The following GOLGA3 variants were observed in gnomAD, a reference collection of about 807,000 sequenced individuals.
GOLGA3 encodes golgin subfamily A member 3.
Under a neutral mutation model 169.4 loss-of-function variants are expected in GOLGA3, and 75 were observed. The ratio of observed to expected loss-of-function variants is 0.44; its 90% CI spans 0.37 to 0.54. The LOEUF (loss-of-function observed/expected upper bound fraction) is 0.54, where lower values mean the gene tolerates loss of function less well. Ranked by LOEUF, GOLGA3 falls within the 20% of genes least tolerant of loss-of-function variation. The pLI, the probability that GOLGA3 is intolerant of heterozygous loss-of-function variation, is 0.00. For missense variants in GOLGA3, 1,899 were observed against 1,930.0 expected, an observed-to-expected ratio of 0.98 and a Z score of 0.30; for synonymous variants, 824 against 822.4, an observed-to-expected ratio of 1.00 and a Z score of -0.03.
intron 3 of GOLGA3, 54 bp downstream of exon 3, chr12:132,816,486 G>C (rs575408118): frequency 6.4e-7 from 1 of 1,573,004 alleles, no homozygotes; most frequent in South Asian, 1.2e-5. Context: ...TGCTCCCAAG[G>C]GGCTGAGCGA....
rs1566123744 is a variant in GOLGA3 at position 132,808,180 on chromosome 12, G to A, written c.889C>T (p.Leu297=). Residue 297 remains leucine (L), a synonymous_variant, in exon 5 of 24, where the codon CTG becomes TTG. Transcript: ENST00000450791. Reference sequence around the variant, plus strand: ...TCTCCAGCCAGGGAGGTGTTCTCCAGACGGTCGTCAGTGTCGGGGGACAGG... The same window carrying A: ...TCTCCAGCCAGGGAGGTGTTCTCCAAACGGTCGTCAGTGTCGGGGGACAGG... ...ISLSPDTDDR[L]ENTSLAGDSV... The A allele has an allele frequency of 1.2e-6, 2 of 1,613,320 alleles. No individual in the cohort carries two copies. Among genetic ancestry groups the A allele is most frequent in the East Asian group, 2.2e-5 (1 of 44,824 alleles).
intron 1 of GOLGA3, among the ~76,000 whole-genome samples, chr12:132,826,476 A>G (rs1460908093): frequency 6.6e-6 from 1 of 152,002 alleles, no homozygotes; most frequent in Non-Finnish European, 1.5e-5. Context: ...CTCAGGTTCC[A>G]CCGAGAGGGC....
At chr12:132,810,324 C>T (rs1380917907) in intron 4 of GOLGA3, among the ~76,000 whole-genome samples, 3 of 152,010 alleles carry the variant, frequency 2.0e-5, no homozygotes, top group South Asian at 2.1e-4. Flanking sequence ...TAATTTCCTC[C>T]GCCTGCCCAC....
rs1198733718 is a variant in GOLGA3, at chr12:132,808,064, T to C, written c.1005A>G (p.Thr335=). The change falls in exon 5 of 24, where the codon ACA becomes ACG. Residue 335 remains threonine (T), a synonymous_variant. Transcript: ENST00000450791. ...TATAGGGGGTGTCCTGCGTGCCCAC[T>C]GTCTTCGACAGAATGCCATAGGTCC... ...TRGTYGILSK[T]VGTQDTPYMV... is the part of the protein sequence containing the mutation. 3.1e-6 allele frequency: 5 copies of C among 1,597,326 alleles called. No individual in the cohort carries two copies. Among genetic ancestry groups the C allele is most frequent in the Non-Finnish European group, 4.3e-6 (5 of 1,170,150 alleles).
chr12:132,819,087 G>A (rs1008714785), intron 2 of GOLGA3, among the ~76,000 whole-genome samples: 5 of 152,096 alleles, frequency 3.3e-5, no homozygotes, highest in African/African-American at 1.2e-4. Flanking sequence ...GACATGTGAG[G>A]GGGGAGGGAG....
chr12:132,774,128 C>A, intron 23 of GOLGA3, 29 bp downstream of exon 23: 1 of 1,539,816 alleles, frequency 6.5e-7, no homozygotes, highest in South Asian at 1.2e-5. Context: ...TTAAGACTAG[C>A]TGAAGTGCAG....
At chr12:132,794,650 G>A (rs1372961505) in intron 11 of GOLGA3, among the ~76,000 whole-genome samples, 2 of 152,184 alleles carry the variant, frequency 1.3e-5, no homozygotes, top group African/African-American at 2.4e-5. Flanking sequence ...AGTCTCTCTC[G>A]CAGTCTTCCA....
In GOLGA3 at chr12:132,807,248, T is replaced by A. The variant is rs998283066; in HGVS notation, c.1219A>T (p.Met407Leu). 1.3e-5 allele frequency: 21 copies of A among 1,596,584 alleles called. No homozygotes were observed. The highest frequency in any genetic ancestry group is 1.7e-5 in the Non-Finnish European group (20 of 1,170,326). Residue 407 changes from methionine (M) to leucine (L), a missense_variant, in exon 6 of 24, where the codon ATG becomes TTG. Transcript: ENST00000450791. ...ATTTTCTCTTTGAGCACCTGCAGCA[T>A]CTCCTCCTGTGTTTCTGCTGCAGAG... ...ESSAAETQEE[M>L]LQVLKEKMRL...
At chr12:132,821,807 TCA>T (rs1461282846) in intron 2 of GOLGA3, among the ~76,000 whole-genome samples, 187 bp downstream of exon 2, 7 of 127,656 alleles carry the variant, frequency 5.5e-5, no homozygotes, top group African/African-American at 1.7e-4. Flanking sequence ...CGAGCCGAGA[TCA>T]CGCCACTGCA....
chr12:132,773,731 T>C (rs1213819570), intron 23 of GOLGA3, among the ~76,000 whole-genome samples: 1 of 151,632 alleles, frequency 6.6e-6, no homozygotes, highest in Non-Finnish European at 1.5e-5. Context: ...CCCACCTTTA[T>C]ATAAACCTCA....
chr12:132,807,064 A>G (rs1483866378), intron 6 of GOLGA3, 113 bp downstream of exon 6: 9 of 616,730 alleles, frequency 1.5e-5, no homozygotes, highest in South Asian at 1.1e-4. Flanking sequence ...GCTGCCACAC[A>G]TGCTGCGGCG....
At chr12:132,785,224 C>G (rs1384964035) in intron 15 of GOLGA3, among the ~76,000 whole-genome samples, 1 of 152,226 alleles carries the variant, frequency 6.6e-6, no homozygotes, top group African/African-American at 2.4e-5. Context: ...CTCCCCACCC[C>G]AGCCCTTAGT....
At chr12:132,798,623 T>C (rs1593307206) in intron 8 of GOLGA3, 146 bp from the exon 9 acceptor site, 14 of 255,364 alleles carry the variant, frequency 5.5e-5, no homozygotes, top group Admixed American at 2.1e-4. Context: ...CTACACGTCT[T>C]CCCATCTCAA....
intron 15 of GOLGA3, among the ~76,000 whole-genome samples, chr12:132,785,515 G>T (rs1222224456): frequency 3.3e-5 from 5 of 152,044 alleles, no homozygotes; most frequent in Non-Finnish European, 4.4e-5. Context: ...GTCTAATTAT[G>T]TTGCCCAGGC....
Position 132,798,495 on chromosome 12 carries a change from C to G in GOLGA3, c.1801-18G>C, listed in dbSNP as rs757051848. On this transcript the variant is annotated intron_variant, in intron 8 of 23. Transcript: ENST00000450791. Reference sequence around the variant, plus strand: ...TGTCCAACCTTAAAAAAAAAACCCACAAAGTAAAAAGTTGCTCAATTTCAA... The same window carrying G: ...TGTCCAACCTTAAAAAAAAAACCCAGAAAGTAAAAAGTTGCTCAATTTCAA... 10 of 1,586,122 alleles carry G rather than the reference C, an allele frequency of 6.3e-6. No individual in the cohort carries two copies. The Admixed American group carries it at 9.5e-5, about 15-fold the overall frequency.
In GOLGA3 at chr12:132,804,704, G is replaced by A. The variant is rs1949303877; in HGVS notation, c.1597+12C>T. 6.2e-7 allele frequency: 1 copy of A among 1,602,282 alleles called. No individual in the cohort carries two copies. The highest frequency in any genetic ancestry group is 8.5e-7 in the Non-Finnish European group (1 of 1,171,486). On this transcript the variant is annotated intron_variant, in intron 7 of 23. Coordinates refer to ENST00000450791, the MANE Select transcript of GOLGA3 (RefSeq NM_001389683.1). This position sits in a 1 kb window ranked among gnomAD's most constrained non-coding sequence, Gnocchi z 4.1. ...GTCAGGGAGGGGAGGGCGTGGCCAG[G>A]GCCAGCCTCACCTGTGTTGTCCTTG...
At chr12:132,775,985 G>A (rs1242310859) in intron 21 of GOLGA3, among the ~76,000 whole-genome samples, 2 of 152,228 alleles carry the variant, frequency 1.3e-5, no homozygotes, top group East Asian at 1.9e-4. Context: ...CCCAGGCTTC[G>A]CCCCTGCCTC....
intron 18 of GOLGA3, among the ~76,000 whole-genome samples, chr12:132,779,933 C>T (rs1593238030): frequency 3.1e-5 from 4 of 128,780 alleles, no homozygotes; most frequent in South Asian, 5.0e-4. Flanking sequence ...TGCACACAAC[C>T]CAGGCACACA....
intron 3 of GOLGA3, among the ~76,000 whole-genome samples, chr12:132,814,383 C>T (rs1949864340): frequency 6.6e-6 from 1 of 152,192 alleles, no homozygotes; most frequent in South Asian, 2.1e-4. Flanking sequence ...GCCGAGCACT[C>T]TGAGGCAGGC....
Sources: gnomAD v4.1 joint callset for allele counts (sites outside exome capture counted in the v4.1 genomes callset) on GRCh38, gnomAD v4.1.1 for gene constraint, Gnocchi (gnomAD v3.1) non-coding constraint, MANE v1.5 for transcripts, NCBI Gene and HGNC (gene_info 2026-07-23, HGNC 2026-07-21) for gene names.